The following NSF variants were observed in gnomAD, a reference collection of about 807,000 sequenced individuals.
NSF encodes N-ethylmaleimide sensitive factor, vesicle fusing ATPase.
Under a neutral mutation model 50.3 loss-of-function variants are expected in NSF, and 14 were observed. The observed-to-expected ratio is 0.28, with a 90% CI of 0.18 to 0.44. The LOEUF is 0.44. Among genes scored for constraint, NSF ranks in the 20% least tolerant of loss-of-function variants. The pLI is 1.00. For synonymous variants in NSF, 109 were observed against 175.7 expected, an observed-to-expected ratio of 0.62 and a Z score of 3.00; for missense variants, 218 against 504.3, an observed-to-expected ratio of 0.43 and a Z score of 5.44.
intron 8 of NSF, among the ~76,000 whole-genome samples, chr17:46,666,144 G>A (rs918180929): frequency 1.1e-4 from 17 of 149,112 alleles, no homozygotes; most frequent in Admixed American, 5.4e-4. Flanking sequence ...GGGGAACTTT[G>A]GAAAATAAAT....
intron 17 of NSF, 68 bp from the exon 18 acceptor site, chr17:46,749,705 C>T: frequency 7.1e-7 from 1 of 1,411,200 alleles, no homozygotes; most frequent in Non-Finnish European, 9.5e-7. Flanking sequence ...AAATTGTGTT[C>T]AAGCTTACTG....
At chr17:46,741,962 G>A (rs776901341) in intron 17 of NSF, among the ~76,000 whole-genome samples, 3 of 152,120 alleles carry the variant, frequency 2.0e-5, no homozygotes, top group Non-Finnish European at 4.4e-5. Flanking sequence ...CACCGTGTTG[G>A]TCAGGCTAGT....
At chr17:46,741,655 G>A (rs181653549) in intron 17 of NSF, among the ~76,000 whole-genome samples, 411 of 152,284 alleles carry the variant, frequency 2.7e-3, no homozygotes, top group Admixed American at 5.9e-3. Flanking sequence ...ATGCAAAGAG[G>A]CCCAATTCCT....
In NSF at chr17:46,755,368, G is replaced by A. The variant is rs1198994502; in HGVS notation, c.2212G>A (p.Ala738Thr). 1.2e-6 allele frequency: 2 copies of A among 1,612,338 alleles called. No individual in the cohort carries two copies. The highest frequency in any genetic ancestry group is 1.7e-6 in the Non-Finnish European group (2 of 1,178,432). ...KFLALLREEGASPLDFD is the reference protein window; with the variant it reads ...KFLALLREEGTSPLDFD ...CTTGGCCCTCTTAAGAGAAGAAGGA[G>A]CGTAAGTACATACAACATTTAATGA... Residue 738 changes from alanine (A) to threonine (T), a missense_variant and splice_region_variant, in exon 20 of 21, where the codon GCT becomes ACT. Coordinates refer to ENST00000398238, the MANE Select transcript of NSF (RefSeq NM_006178.4).
intron 17 of NSF, among the ~76,000 whole-genome samples, chr17:46,730,695 A>G (rs1480557730): frequency 2.0e-5 from 3 of 152,182 alleles, no homozygotes; most frequent in Non-Finnish European, 4.4e-5. Context: ...TTTTCATTTT[A>G]GTGGGCTCAA....
chr17:46,721,809 G>A, intron 15 of NSF: 17 of 1,599,126 alleles, frequency 1.1e-5, no homozygotes, highest in Non-Finnish European at 1.5e-5. Flanking sequence ...GTCAGAGTAC[G>A]GCTCCTGGGA....
intron 13 of NSF, among the ~76,000 whole-genome samples, chr17:46,708,820 ATATT>A (rs1410780572): frequency 2.6e-4 from 26 of 98,540 alleles, no homozygotes; most frequent in Non-Finnish European, 4.2e-4. Flanking sequence ...ATATATATAT[ATATT>A]TTTTTTTTTT....
intron 18 of NSF, among the ~76,000 whole-genome samples, chr17:46,750,683 G>C (rs2059173622): frequency 6.6e-6 from 1 of 152,148 alleles, no homozygotes; most frequent in African/African-American, 2.4e-5. Context: ...TCTGTATCCA[G>C]CATGAGTGAT....
chr17:46,718,908 T>C (rs2058801039), intron 15 of NSF, among the ~76,000 whole-genome samples: 1 of 152,212 alleles, frequency 6.6e-6, no homozygotes. Context: ...GAAGTGGGAT[T>C]GCTAAGGTAA....
intron 9 of NSF, among the ~76,000 whole-genome samples, chr17:46,689,693 TC>T (rs2058525671): frequency 1.5e-5 from 1 of 64,776 alleles, no homozygotes; most frequent in Non-Finnish European, 2.8e-5. Context: ...ATAGGCACTA[TC>T]AGGTACTGTG....
chr17:46,609,827 C>G (rs5012453), intron 1 of NSF, among the ~76,000 whole-genome samples: 3 of 123,328 alleles, frequency 2.4e-5, no homozygotes, highest in South Asian at 2.5e-4. Context: ...CTCACTGTTT[C>G]TTTTTTTTTT....
intron 17 of NSF, among the ~76,000 whole-genome samples, chr17:46,737,591 GTGT>G (rs2059020626): frequency 6.6e-6 from 1 of 151,864 alleles, no homozygotes; most frequent in Non-Finnish European, 1.5e-5. Context: ...GTGTGTGTGT[GTGT>G]GTGTGTGTGT....
intron 13 of NSF, among the ~76,000 whole-genome samples, chr17:46,707,770 G>A (rs1251740212): frequency 1.3e-5 from 2 of 152,082 alleles, no homozygotes; most frequent in African/African-American, 4.8e-5. Flanking sequence ...GGTGGCTCTT[G>A]CCTGTAATCC....
intron 17 of NSF, among the ~76,000 whole-genome samples, chr17:46,731,755 T>C (rs1248373565): frequency 6.6e-6 from 1 of 152,192 alleles, no homozygotes; most frequent in Non-Finnish European, 1.5e-5. Context: ...CTGAAGGGAA[T>C]ACCATCTGGT....
At chr17:46,679,004 A>G (rs941254365) in intron 9 of NSF, among the ~76,000 whole-genome samples, 3 of 151,722 alleles carry the variant, frequency 2.0e-5, no homozygotes, top group Non-Finnish European at 2.9e-5. Context: ...CAAATAAATT[A>G]TTGAGCAAAA....
chr17:46,727,975 G>A (rs1353664905), intron 16 of NSF, among the ~76,000 whole-genome samples: 1 of 152,044 alleles, frequency 6.6e-6, no homozygotes, highest in East Asian at 1.9e-4. Flanking sequence ...AGTAGAATGT[G>A]CCATGTATTT....
intron 17 of NSF, among the ~76,000 whole-genome samples, chr17:46,732,946 C>T (rs1278226431): frequency 6.6e-6 from 1 of 152,256 alleles, no homozygotes; most frequent in Non-Finnish European, 1.5e-5. Context: ...GGGGTGCTCA[C>T]TGTCACACAG....
intron 17 of NSF, among the ~76,000 whole-genome samples, chr17:46,735,353 A>T (rs1010623961): frequency 6.6e-6 from 1 of 152,130 alleles, no homozygotes; most frequent in African/African-American, 2.4e-5. Context: ...CTGTGGCATT[A>T]CATTAGCTTT....
At chr17:46,743,503 A>G (rs985871540) in intron 17 of NSF, among the ~76,000 whole-genome samples, 1 of 152,210 alleles carries the variant, frequency 6.6e-6, no homozygotes, top group Admixed American at 6.5e-5. Context: ...GATGCTGAGA[A>G]GTTAAATAAT....
Sources: gnomAD v4.1 joint callset for allele counts (sites outside exome capture counted in the v4.1 genomes callset) on GRCh38, gnomAD v4.1.1 for gene constraint, MANE v1.5 for transcripts, NCBI Gene and HGNC (gene_info 2026-07-23, HGNC 2026-07-21) for gene names.